Variants in PELI1 observed in about 807,000 individuals in gnomAD.
The protein encoded by PELI1 is E3 ubiquitin-protein ligase pellino homolog 1.
A neutral mutation model predicts 41.3 loss-of-function variants in PELI1; 15 were observed. That is an observed-to-expected ratio of 0.36 (90% confidence interval 0.24 to 0.56). The LOEUF is 0.56. Ranked by LOEUF, PELI1 falls within the 20% of genes least tolerant of loss-of-function variation. PELI1 has a pLI of 0.82. For missense variants in PELI1, 403 were observed against 525.5 expected, an observed-to-expected ratio of 0.77 and a Z score of 2.28; for synonymous variants, 178 against 180.1, an observed-to-expected ratio of 0.99 and a Z score of 0.09.
chr2:64,100,310 A>G (rs1302977502), intron 4 of PELI1, 88 bp downstream of exon 4: 3 of 709,940 alleles, frequency 4.2e-6, no homozygotes, highest in Non-Finnish European at 5.0e-6. Flanking sequence ...TAAAAATCTG[A>G]TAATCCTCTG....
Position 64,144,396 on chromosome 2 carries a change from C to G in PELI1, c.-385G>C, listed in dbSNP as rs932150150. On this transcript the variant is annotated 5_prime_UTR_variant, in exon 1 of 7. Coordinates refer to ENST00000358912, the MANE Select transcript of PELI1 (RefSeq NM_020651.4). ...CGGCGGCGCCCCCCGACGGTCCCTC[C>G]GCCTCACACCGCCTCTGGGTCACTG... The G allele has an allele frequency of 6.6e-6, 1 of 152,164 alleles. No individual in the cohort carries two copies. The highest frequency in any genetic ancestry group is 2.4e-5 in the African/African-American group (1 of 41,352). 9.4% of individuals were successfully genotyped at this position (152,164 alleles called of 1,614,324 possible).
chr2:64,143,732 TTC>T (rs1681997804), intron 1 of PELI1, among the ~76,000 whole-genome samples: 1 of 152,048 alleles, frequency 6.6e-6, no homozygotes, highest in African/African-American at 2.4e-5. Flanking sequence ...CCCCTTTTGT[TTC>T]TCCCATTTCC....
At chr2:64,104,412 A>G (rs1680549017) in intron 3 of PELI1, 1 of 254,178 alleles carries the variant, frequency 3.9e-6, no homozygotes, top group Admixed American at 5.0e-5. Context: ...AATTCTAAGT[A>G]CTAGATAAAG....
chr2:64,124,371 C>A (rs930218200), intron 1 of PELI1, among the ~76,000 whole-genome samples: 2 of 152,122 alleles, frequency 1.3e-5, no homozygotes, highest in Non-Finnish European at 2.9e-5. Flanking sequence ...AAACAAAAGC[C>A]TGCTATAGAC....
chr2:64,133,110 C>T (rs2103738823), intron 1 of PELI1, among the ~76,000 whole-genome samples: 1 of 152,292 alleles, frequency 6.6e-6, no homozygotes, highest in East Asian at 1.9e-4. Context: ...AACCTGAGGT[C>T]TGTGCCATAA....
intron 1 of PELI1, among the ~76,000 whole-genome samples, chr2:64,111,309 C>T (rs1377051409): frequency 6.6e-6 from 1 of 152,068 alleles, no homozygotes; most frequent in Admixed American, 6.6e-5. Context: ...AATAAGAACA[C>T]GTCAAAGGAA....
At chr2:64,140,844 C>G (rs150879186) in intron 1 of PELI1, among the ~76,000 whole-genome samples, 1 of 128,236 alleles carries the variant, frequency 7.8e-6, no homozygotes, top group African/African-American at 3.2e-5. Flanking sequence ...GAAATCATAT[C>G]CAGATCTTTC....
chr2:64,105,213 C>T (rs1309500877), intron 2 of PELI1, among the ~76,000 whole-genome samples: 3 of 152,074 alleles, frequency 2.0e-5, no homozygotes, highest in Non-Finnish European at 4.4e-5. Context: ...TTAAAAAGTA[C>T]AGTATGTATT....
intron 4 of PELI1, among the ~76,000 whole-genome samples, chr2:64,099,503 T>C (rs534740033): frequency 1.3e-5 from 2 of 152,324 alleles, no homozygotes; most frequent in South Asian, 4.1e-4. Context: ...CATTCTAATA[T>C]TAACTAGAGA....
chr2:64,096,696 A>G, intron 4 of PELI1, 86 bp from the exon 5 acceptor site: 1 of 829,182 alleles, frequency 1.2e-6, no homozygotes, highest in Non-Finnish European at 1.9e-6. Flanking sequence ...AGGAGAGAAC[A>G]TTAGGTCTCT....
In PELI1 at chr2:64,106,829, A is replaced by C. The variant is rs537139006; in HGVS notation, c.71+1411T>G. 1.8e-4 allele frequency among the ~76,000 whole-genome samples: 27 copies of C among 152,316 alleles called. No individual in the cohort carries two copies. The South Asian group carries it at 5.4e-3, about 30-fold the overall frequency. ...ATCTCAACTGAAACAACGCATTCTC[A>C]CTTTAACAACCTGACTCTCAAACAT... On this transcript the variant is annotated intron_variant, in intron 2 of 6. Transcript: ENST00000358912.
chr2:64,120,705 C>T (rs1052245669), intron 1 of PELI1, among the ~76,000 whole-genome samples: 4 of 152,188 alleles, frequency 2.6e-5, no homozygotes, highest in Admixed American at 2.0e-4. Context: ...GCTAATAAAA[C>T]CTGACTGGAG....
chr2:64,094,241 A>AT lies in PELI1; in HGVS notation c.*460dup, dbSNP rs1488287301. ...CCAAGGGTGTGACACCATCGTTACC[A>AT]TGCTACTCTATCAAGAACATTCTAA... On this transcript the variant is annotated 3_prime_UTR_variant, in exon 7 of 7. Coordinates refer to ENST00000358912, the MANE Select transcript of PELI1 (RefSeq NM_020651.4). The AT allele has an allele frequency of 3.2e-5, 5 of 155,824 alleles. No individual in the cohort carries two copies. The highest frequency in any genetic ancestry group is 5.7e-5 in the Non-Finnish European group (4 of 70,140). 9.7% of individuals were successfully genotyped at this position (155,824 alleles called of 1,614,324 possible).
At chr2:64,129,760 A>G (rs1681496409) in intron 1 of PELI1, among the ~76,000 whole-genome samples, 1 of 152,210 alleles carries the variant, frequency 6.6e-6, no homozygotes. Context: ...CGTAAACACC[A>G]AACAAATAAA....
intron 3 of PELI1, among the ~76,000 whole-genome samples, chr2:64,102,345 C>T (rs985696315): frequency 6.6e-6 from 1 of 151,808 alleles, no homozygotes; most frequent in African/African-American, 2.4e-5. Context: ...TATATATACA[C>T]ACGCACACAC....
At chr2:64,098,825 TCA>T (rs1235676437) in intron 4 of PELI1, among the ~76,000 whole-genome samples, 6 of 152,204 alleles carry the variant, frequency 3.9e-5, no homozygotes, top group Admixed American at 6.5e-5. Context: ...TTCTGATACA[TCA>T]CAGTCTTTTT....
chr2:64,114,005 G>C (rs534875157), intron 1 of PELI1, among the ~76,000 whole-genome samples: 49 of 152,000 alleles, frequency 3.2e-4, no homozygotes, highest in African/African-American at 1.1e-3. Flanking sequence ...ACTAAGCAAG[G>C]GACAAAACAA....
rs1681569270 is a variant in PELI1 at position 64,131,902 on chromosome 2, T to A, written c.-70+12179A>T. ...TCCCAAAGTGCTGGGGTTACAGGCA[T>A]GAGCCACTGCACCCAGCCAGAAACA... is the stretch of plus-strand genomic sequence containing the variant. On this transcript the variant is annotated intron_variant, in intron 1 of 6. Coordinates refer to ENST00000358912, the MANE Select transcript of PELI1 (RefSeq NM_020651.4). Among the ~76,000 whole-genome samples the A allele has an allele frequency of 2.0e-5, 3 of 152,190 alleles. No homozygotes were observed. In the South Asian group the frequency reaches 6.2e-4, roughly 31 times the overall value.
At position 64,094,843 on chromosome 2, in the gene PELI1, T is replaced by G; in HGVS notation, c.1116A>C (p.Ser372=). ...GGGACCAATAGGCAGTTGTCTTTTC[T>G]GAACACACATGCCCACACGGGCTAA... ...HAFSPCGHVC[S]EKTTAYWSQI... Residue 372 remains serine, a synonymous_variant, in exon 7 of 7, where the codon TCA becomes TCC. Coordinates refer to ENST00000358912, the MANE Select transcript of PELI1 (RefSeq NM_020651.4). 1 of 1,614,196 alleles carries G rather than the reference T, an allele frequency of 6.2e-7. No homozygotes were observed. Among genetic ancestry groups the G allele is most frequent in the East Asian group, 2.2e-5 (1 of 44,884 alleles).
Sources: allele counts gnomAD v4.1 joint callset (sites outside exome capture counted in the v4.1 genomes callset), GRCh38; gene constraint gnomAD v4.1.1; transcripts MANE v1.5; gene names NCBI Gene and HGNC (gene_info 2026-07-23, HGNC 2026-07-21).